CSMD2: variants seen among roughly 807,000 people sequenced by gnomAD.
CSMD2 encodes the protein CUB and Sushi multiple domains 2, also known as CUB and sushi domain-containing protein 2.
CSMD2 carries 130 observed loss-of-function variants against 398.5 expected under a neutral mutation model. The observed-to-expected ratio is 0.33, with a 90% CI of 0.28 to 0.38. CSMD2 has a LOEUF of 0.38. Ranked by LOEUF, CSMD2 falls within the 10% of genes least tolerant of loss-of-function variation. The pLI is 1.00. For missense variants in CSMD2, 3,829 were observed against 4,764.9 expected (o/e 0.80, Z 5.78); for synonymous variants, 1,828 against 1,908.5 (o/e 0.96, Z 1.10).
chr1:34,026,618 A>T, intron 3 of CSMD2, among the ~76,000 whole-genome samples: 1 of 152,196 alleles, frequency 6.6e-6, no homozygotes, highest in East Asian at 1.9e-4. Flanking sequence ...AAGCACTAAA[A>T]ACCTGCAGAG....
chr1:33,557,852 C>A lies in CSMD2; in HGVS notation c.8625G>T (p.Arg2875Ser). The A allele has an allele frequency of 6.5e-7, 1 of 1,536,076 alleles. No homozygotes were observed. The highest frequency in any genetic ancestry group is 8.7e-7 in the Non-Finnish European group (1 of 1,146,882). Residue 2875 changes from arginine (R) to serine (S), a missense_variant, in exon 55 of 71, where the codon AGG becomes AGT. Arg to Ser is a moderately radical substitution (Grantham distance 110, BLOSUM62 -1). Coordinates refer to ENST00000373381, the MANE Select transcript of CSMD2 (RefSeq NM_001281956.2). Reference protein sequence around the residue: ...VRQVHASGPHRFSFGTTVSYR... With the variant: ...VRQVHASGPHSFSFGTTVSYR... ...AAGACACAGTGGTGCCGAAGCTGAA[C>A]CTGTGCGGGCCGCTGGCGTGGACCT...
chr1:33,551,717 C>T (rs1247856673), intron 55 of CSMD2, among the ~76,000 whole-genome samples: 2 of 152,224 alleles, frequency 1.3e-5, no homozygotes, highest in Non-Finnish European at 2.9e-5. Flanking sequence ...CAATTCCTCC[C>T]ATCAAGGAGT....
intron 2 of CSMD2, among the ~76,000 whole-genome samples, chr1:34,077,572 TA>T (rs1656572085): frequency 7.1e-6 from 1 of 141,752 alleles, no homozygotes; most frequent in African/African-American, 2.6e-5. Flanking sequence ...CCGTCTCTAT[TA>T]AAAAATACAA....
Position 33,820,369 on chromosome 1 carries a change from T to A in CSMD2, c.1199+100A>T. ...AGTGTCTGTTCCTATATCCATGCCA[T>A]CCTCTCCATTTCCACCTGCAGGAAG... On this transcript the variant is annotated intron_variant, in intron 8 of 70. Transcript: ENST00000373381. 4 of 786,176 alleles carry A rather than the reference T, an allele frequency of 5.1e-6. No individual in the cohort carries two copies. The East Asian group carries it at 9.7e-5, about 19-fold the overall frequency. The allele number at this position is 786,176 out of a possible 1,614,324, so 48.7% of individuals were successfully genotyped here.
At chr1:34,131,928 G>A (rs556662501) in intron 1 of CSMD2, among the ~76,000 whole-genome samples, 79 of 152,242 alleles carry the variant, frequency 5.2e-4, no homozygotes, top group Non-Finnish European at 2.4e-4. Context: ...TAAATCATGA[G>A]CTAGCTGGGG....
At chr1:33,974,368 G>C (rs1645883112) in intron 3 of CSMD2, among the ~76,000 whole-genome samples, 1 of 152,212 alleles carries the variant, frequency 6.6e-6, no homozygotes, top group Non-Finnish European at 1.5e-5. Context: ...TGCTCATTCT[G>C]CCTTTCTTCT....
intron 7 of CSMD2, 55 bp downstream of exon 7, chr1:33,825,642 C>A: frequency 6.8e-7 from 1 of 1,477,056 alleles, no homozygotes; most frequent in Non-Finnish European, 9.4e-7. Flanking sequence ...TTAGTGCCTG[C>A]ACGTGTGACC....
At chr1:33,780,951 C>T (rs1469055576) in intron 12 of CSMD2, among the ~76,000 whole-genome samples, 3 of 152,190 alleles carry the variant, frequency 2.0e-5, no homozygotes, top group Non-Finnish European at 4.4e-5. Flanking sequence ...TAGCCATGTG[C>T]TTGGCATCTG....
intron 2 of CSMD2, among the ~76,000 whole-genome samples, chr1:34,076,267 G>A (rs997397976): frequency 2.6e-5 from 4 of 152,220 alleles, no homozygotes; most frequent in African/African-American, 9.6e-5. Context: ...ACTGAGGCTT[G>A]AATGGGTTGA....
chr1:33,940,178 A>G (rs1644619842), intron 3 of CSMD2, among the ~76,000 whole-genome samples: 1 of 151,942 alleles, frequency 6.6e-6, no homozygotes, highest in Non-Finnish European at 1.5e-5. Flanking sequence ...CGTCATTCCA[A>G]TCCTCTGTCT....
intron 6 of CSMD2, among the ~76,000 whole-genome samples, chr1:33,830,052 G>T (rs1393164890): frequency 6.6e-6 from 1 of 152,244 alleles, no homozygotes; most frequent in Non-Finnish European, 1.5e-5. Flanking sequence ...AGGCCTGCCT[G>T]CCTCTGTAGG....
intron 3 of CSMD2, among the ~76,000 whole-genome samples, chr1:33,992,886 A>G (rs1029036809): frequency 3.3e-5 from 5 of 151,738 alleles, no homozygotes; most frequent in African/African-American, 1.2e-4. Flanking sequence ...CAAAAAAAAA[A>G]AAAAAAAAGT....
chr1:33,670,730 A>C (rs1644468890), intron 25 of CSMD2, among the ~76,000 whole-genome samples: 1 of 152,186 alleles, frequency 6.6e-6, no homozygotes, highest in Admixed American at 6.5e-5. Flanking sequence ...TCATACTTTA[A>C]ATCTATAAAT....
chr1:33,699,486 T>C (rs1009490241), intron 23 of CSMD2, among the ~76,000 whole-genome samples: 5 of 152,190 alleles, frequency 3.3e-5, no homozygotes, highest in African/African-American at 1.2e-4. Flanking sequence ...ACGGAGAGCA[T>C]TGATTTGGGA....
At chr1:33,521,044 A>C (rs1420344545) in intron 68 of CSMD2, among the ~76,000 whole-genome samples, 4 of 152,108 alleles carry the variant, frequency 2.6e-5, no homozygotes, top group African/African-American at 9.7e-5. Flanking sequence ...TGGGCACAAA[A>C]CCAGTCTTCT....
At chr1:33,827,612 T>C (rs1416562806) in intron 6 of CSMD2, among the ~76,000 whole-genome samples, 11 of 152,260 alleles carry the variant, frequency 7.2e-5, no homozygotes, top group Admixed American at 7.2e-4. Context: ...GTAGTTATTT[T>C]TGTCACTCCA....
chr1:34,125,137 T>C (rs1157497587), intron 1 of CSMD2, among the ~76,000 whole-genome samples: 2 of 152,194 alleles, frequency 1.3e-5, no homozygotes, highest in Non-Finnish European at 2.9e-5. Context: ...AATCCCTCTA[T>C]AGTGGAATCA....
At chr1:34,056,179 C>G (rs1028795417) in intron 2 of CSMD2, among the ~76,000 whole-genome samples, 11 of 152,186 alleles carry the variant, frequency 7.2e-5, no homozygotes, top group Non-Finnish European at 1.5e-4. Flanking sequence ...TGCTATCTCC[C>G]AACTCCCATT....
At chr1:34,084,599 C>G (rs935601445) in intron 2 of CSMD2, among the ~76,000 whole-genome samples, 1 of 152,074 alleles carries the variant, frequency 6.6e-6, no homozygotes, top group Non-Finnish European at 1.5e-5. Context: ...CAAAAGAAGA[C>G]ATTTATGCAG....
Sources: gnomAD v4.1 joint callset for allele counts (sites outside exome capture counted in the v4.1 genomes callset) on GRCh38, gnomAD v4.1.1 for gene constraint, MANE v1.5 for transcripts, NCBI Gene and HGNC (gene_info 2026-07-23, HGNC 2026-07-21) for gene names.